Variants in SLC12A7 observed in about 807,000 individuals in gnomAD.
The protein encoded by SLC12A7 is solute carrier family 12 member 7.
SLC12A7 carries 100 observed loss-of-function variants against 120.6 expected under a neutral mutation model. The ratio of observed to expected loss-of-function variants is 0.83; its 90% CI spans 0.71 to 0.98. The LOEUF (loss-of-function observed/expected upper bound fraction) is 0.98, where lower values mean the gene tolerates loss of function less well. Ranked by LOEUF, SLC12A7 falls within the 50% of genes least tolerant of loss-of-function variation. The probability of loss-of-function intolerance (pLI) is 0.00; values close to 1 mark genes in which losing one functional copy is unlikely to be tolerated. For missense variants in SLC12A7, 1,373 were observed against 1,548.1 expected, an observed-to-expected ratio of 0.89 and a Z score of 1.90; for synonymous variants, 760 against 678.0, an observed-to-expected ratio of 1.12 and a Z score of -1.88.
chr5:1,133,879 G>A, the SLC12A7 span, among the ~76,000 whole-genome samples: 1 of 152,196 alleles, frequency 6.6e-6, no homozygotes, highest in South Asian at 2.1e-4. Flanking sequence ...AGAGAGGGTT[G>A]TGTGGAGCTG....
chr5:1,107,616 CT>C (rs1742631343), intron 1 of SLC12A7, among the ~76,000 whole-genome samples: 1 of 152,248 alleles, frequency 6.6e-6, no homozygotes, highest in South Asian at 2.1e-4. Flanking sequence ...GCACCCAGGC[CT>C]GAGCACCTGG....
chr5:1,144,064 G>A, the SLC12A7 span, among the ~76,000 whole-genome samples: 1 of 152,226 alleles, frequency 6.6e-6, no homozygotes, highest in Non-Finnish European at 1.5e-5. Context: ...AATAGGGAGG[G>A]GGCGAACAGC....
chr5:1,062,523 G>A (rs1010275489), intron 20 of SLC12A7, among the ~76,000 whole-genome samples: 2 of 152,308 alleles, frequency 1.3e-5, no homozygotes, highest in Non-Finnish European at 2.9e-5. Context: ...CAGGGCAAGA[G>A]GAAGAACAAC....
chr5:1,079,424 A>T lies in SLC12A7; in HGVS notation c.1370T>A (p.Leu457Gln). Residue 457 changes from leucine (L) to glutamine (Q), a missense_variant, in exon 10 of 24, where the codon CTG (leucine) becomes CAG (glutamine). Coordinates refer to ENST00000264930, the MANE Select transcript of SLC12A7 (RefSeq NM_006598.3). ...AQKSIPTGTI[L>Q]AIVTTSFIYL... is the part of the protein sequence containing the mutation. Reference sequence around the variant, plus strand: ...GATGAAAGACGTCGTCACTATGGCCAGGATGGTCCCCGTGGGGATGGACTT... The same window carrying T: ...GATGAAAGACGTCGTCACTATGGCCTGGATGGTCCCCGTGGGGATGGACTT... 1 of 1,612,780 alleles carries T rather than the reference A, an allele frequency of 6.2e-7. No homozygotes were observed. Among genetic ancestry groups the T allele is most frequent in the Non-Finnish European group, 8.5e-7 (1 of 1,179,844 alleles).
rs1424265388 is a variant in SLC12A7 at position 1,074,608 on chromosome 5, C to A, written c.2031G>T (p.Leu677=). ...GLSLNAARYA[L]LRVEHGPPHT... ...GGGGGGGACCGTGCTCCACGCGCAG[C>A]AGGGCGTAGCGGGCGGCGTTCAGGG... The change falls in exon 16 of 24, where the codon CTG becomes CTT. Residue 677 remains leucine, a synonymous_variant. Coordinates refer to ENST00000264930, the MANE Select transcript of SLC12A7 (RefSeq NM_006598.3). 1.2e-6 allele frequency: 2 copies of A among 1,612,710 alleles called. No individual in the cohort carries two copies. Among genetic ancestry groups the A allele is most frequent in the African/African-American group, 2.7e-5 (2 of 74,932 alleles).
the SLC12A7 span, among the ~76,000 whole-genome samples, chr5:1,142,214 C>A: frequency 6.6e-6 from 1 of 151,676 alleles, no homozygotes; most frequent in African/African-American, 2.4e-5. Flanking sequence ...GGCAGCCCAG[C>A]CCTATAAGCC....
At chr5:1,093,498 C>CGGGGACTGGGA (rs746354076) in intron 3 of SLC12A7, 35 bp downstream of exon 3, 5 of 1,290,122 alleles carry the variant, frequency 3.9e-6, no homozygotes, top group Non-Finnish European at 5.4e-6. Context: ...ACACACGGGG[C>CGGGGACTGGGA]GGGGACTGGG....
rs559992953 is a variant in SLC12A7 at position 1,073,498 on chromosome 5, C to T, written c.2241+135G>A. On this transcript the variant is annotated intron_variant, in intron 17 of 23. Coordinates refer to ENST00000264930, the MANE Select transcript of SLC12A7 (RefSeq NM_006598.3). ...TAGCGCGCTGCTCTGAGCTCAAAGC[C>T]ACCGCCACGGCTAAAACACAGCAGC... is the stretch of plus-strand genomic sequence containing the variant. 12 of 1,037,818 alleles carry T rather than the reference C, an allele frequency of 1.2e-5. No individual in the cohort carries two copies. The African/African-American group carries it at 1.8e-4, about 16-fold the overall frequency. The allele number at this position is 1,037,818 out of a possible 1,614,324, so 64.3% of individuals were successfully genotyped here.
chr5:1,064,319 C>G, intron 18 of SLC12A7, 67 bp from the exon 19 acceptor site: 1 of 1,540,142 alleles, frequency 6.5e-7, no homozygotes, highest in Non-Finnish European at 8.7e-7. Context: ...TCCCCGGGGA[C>G]TCACAGCCAG....
chr5:1,115,434 A>G (rs2150918768), upstream of SLC12A7, among the ~76,000 whole-genome samples: 1 of 152,320 alleles, frequency 6.6e-6, no homozygotes, highest in East Asian at 1.9e-4. Flanking sequence ...GCCTCCAGGT[A>G]TCTGTGTGCC....
At chr5:1,077,354 T>TA (rs1274989852) in intron 12 of SLC12A7, among the ~76,000 whole-genome samples, 1 of 152,150 alleles carries the variant, frequency 6.6e-6, no homozygotes, top group African/African-American at 2.4e-5. Context: ...TGGGCCCAGG[T>TA]AGCAGGAGGA....
chr5:1,111,295 G>A (rs111626275), intron 1 of SLC12A7, among the ~76,000 whole-genome samples: 15 of 152,286 alleles, frequency 9.8e-5, no homozygotes, highest in African/African-American at 3.1e-4. Flanking sequence ...AACGGGGGAC[G>A]GGAACACGGA....
intron 8 of SLC12A7, 79 bp downstream of exon 8, chr5:1,083,666 A>G (rs1003377232): frequency 7.7e-6 from 11 of 1,429,280 alleles, no homozygotes; most frequent in Non-Finnish European, 7.8e-6. Context: ...GAGTGACTCT[A>G]AGGCGAGAGC....
chr5:1,098,176 C>T (rs1248588809), intron 1 of SLC12A7, among the ~76,000 whole-genome samples: 36 of 137,686 alleles, frequency 2.6e-4, no homozygotes, highest in Non-Finnish European at 4.9e-4. Context: ...CCCTCTAACC[C>T]TCTGCACGCC....
rs3810853 is a variant in SLC12A7, at chr5:1,051,803, G to A, written c.*557C>T. 13,378 of 152,760 alleles carry A rather than the reference G, an allele frequency of 0.088. 1,495 individuals are homozygous for A. Among genetic ancestry groups the A allele is most frequent in the African/African-American group, 0.26 (10,659 of 41,546 alleles). 9.5% of individuals were successfully genotyped at this position (152,760 alleles called of 1,614,324 possible). Reference sequence around the variant, plus strand: ...AGAGGCTCCCACACGAGGGTGACACGGGCATGGACAGAGTCCTCCAGCTTC... The same window carrying A: ...AGAGGCTCCCACACGAGGGTGACACAGGCATGGACAGAGTCCTCCAGCTTC... On this transcript the variant is annotated 3_prime_UTR_variant, in exon 24 of 24. Transcript: ENST00000264930.
rs763684141 is a variant in SLC12A7 at position 1,052,324 on chromosome 5, C to T, written c.*36G>A. On this transcript the variant is annotated 3_prime_UTR_variant, in exon 24 of 24. Transcript: ENST00000264930. Reference sequence around the variant, plus strand: ...GGCCCAGGCTGCCCACGCCGTCCTCCGTGCCTGTCCCAGAGTGCCGTGATG... The same window carrying T: ...GGCCCAGGCTGCCCACGCCGTCCTCTGTGCCTGTCCCAGAGTGCCGTGATG... 2.0e-5 allele frequency: 31 copies of T among 1,574,250 alleles called. No individual in the cohort carries two copies. Among genetic ancestry groups the T allele is most frequent in the South Asian group, 1.0e-4 (9 of 90,318 alleles).
At chr5:1,094,294 A>G in intron 1 of SLC12A7, 46 bp from the exon 2 acceptor site, 1 of 1,456,498 alleles carries the variant, frequency 6.9e-7, no homozygotes, top group Non-Finnish European at 9.6e-7. Context: ...AGGAACTAAA[A>G]GCAAGCACAG....
upstream of SLC12A7, among the ~76,000 whole-genome samples, chr5:1,112,658 CT>C (rs1296589411): frequency 1.6e-5 from 1 of 63,970 alleles, no homozygotes; most frequent in African/African-American, 7.3e-5. Flanking sequence ...CTGTTCCCCC[CT>C]GCCATCCTCC....
At chr5:1,057,389 G>A in intron 22 of SLC12A7, 82 bp downstream of exon 22, 1 of 1,417,644 alleles carries the variant, frequency 7.1e-7, no homozygotes, top group Non-Finnish European at 9.5e-7. Context: ...CTCTTCAGTG[G>A]TCAGGGAAGG....
Sources: allele counts gnomAD v4.1 joint callset (sites outside exome capture counted in the v4.1 genomes callset), GRCh38; gene constraint gnomAD v4.1.1; transcripts MANE v1.5; gene names NCBI Gene and HGNC (gene_info 2026-07-23, HGNC 2026-07-21).